The following CMIP variants were observed in gnomAD, a reference collection of about 807,000 sequenced individuals.
CMIP encodes C-Maf-inducing protein.
In CMIP, 13 loss-of-function variants were observed where a neutral mutation model predicts 97.3. That is an observed-to-expected ratio of 0.13 (90% confidence interval 0.09 to 0.21). The LOEUF (loss-of-function observed/expected upper bound fraction) is 0.21, where lower values mean the gene tolerates loss of function less well. CMIP is among the 10% of genes least tolerant of loss of function. The probability of loss-of-function intolerance (pLI) is 1.00; values close to 1 mark genes in which losing one functional copy is unlikely to be tolerated. For missense variants in CMIP, 847 were observed against 1,024.9 expected, an observed-to-expected ratio of 0.83 and a Z score of 2.37; for synonymous variants, 538 against 436.3, an observed-to-expected ratio of 1.23 and a Z score of -2.91.
intron 2 of CMIP, chr16:81,620,049 T>C (rs1353767663): frequency 6.6e-6 from 1 of 152,240 alleles, no homozygotes; most frequent in Non-Finnish European, 1.5e-5. Flanking sequence ...GATGGCTGCA[T>C]TTCTGACCAC....
At position 81,678,521 on chromosome 16, in the gene CMIP, C is replaced by T. The variant is rs1216691981; in HGVS notation, c.1281C>T (p.Asn427=). The change falls in exon 10 of 21, where the codon AAC becomes AAT. Residue 427 remains asparagine (N), a synonymous_variant. Coordinates refer to ENST00000537098, the MANE Select transcript of CMIP (RefSeq NM_198390.3). ...TASAGNDSEP[N]LIDCLMVSPA... is the part of the protein sequence containing the mutation. ...GCGCAGGCAACGACAGCGAGCCCAACCTCATCGACTGCCTCATGGTCAGCC... is the reference window on the plus strand; with the variant it reads ...GCGCAGGCAACGACAGCGAGCCCAATCTCATCGACTGCCTCATGGTCAGCC... 6.2e-7 allele frequency: 1 copy of T among 1,605,032 alleles called. No individual in the cohort carries two copies. The highest frequency in any genetic ancestry group is 8.5e-7 in the Non-Finnish European group (1 of 1,176,684).
chr16:81,618,178 T>C (rs2091945880), intron 2 of CMIP, among the ~76,000 whole-genome samples: 1 of 152,112 alleles, frequency 6.6e-6, no homozygotes, highest in Admixed American at 6.5e-5. Context: ...GTTCTGGAGG[T>C]CCGAAGTCCA....
intron 3 of CMIP, chr16:81,631,352 T>C (rs2092156084): frequency 6.6e-6 from 1 of 152,184 alleles, no homozygotes; most frequent in Non-Finnish European, 1.5e-5. Flanking sequence ...TTTTGGCCTC[T>C]TCCGTTGGAG....
chr16:81,625,363 A>C (rs1337308305), intron 3 of CMIP, among the ~76,000 whole-genome samples: 1 of 152,246 alleles, frequency 6.6e-6, no homozygotes, highest in Non-Finnish European at 1.5e-5. Flanking sequence ...GGGGTGTGGA[A>C]GCATTAAATA....
At chr16:81,595,060 C>G (rs2091531730) in intron 1 of CMIP, among the ~76,000 whole-genome samples, 1 of 151,980 alleles carries the variant, frequency 6.6e-6, no homozygotes, top group Non-Finnish European at 1.5e-5. Context: ...CTCTCTCTCT[C>G]TCAAGACAGC....
chr16:81,468,357 C>G (rs898470502), intron 1 of CMIP, among the ~76,000 whole-genome samples: 1 of 152,250 alleles, frequency 6.6e-6, no homozygotes, highest in Non-Finnish European at 1.5e-5. Context: ...AGAGAGAGGC[C>G]GGGGCTGGAA....
At chr16:81,688,644 G>A (rs984917892) in intron 10 of CMIP, among the ~76,000 whole-genome samples, 2 of 152,132 alleles carry the variant, frequency 1.3e-5, no homozygotes, top group Admixed American at 6.5e-5. Context: ...TGTTATTACC[G>A]TCATTAGCAT....
intron 3 of CMIP, among the ~76,000 whole-genome samples, chr16:81,649,264 A>T (rs2092400068): frequency 6.6e-6 from 1 of 152,256 alleles, no homozygotes; most frequent in South Asian, 2.1e-4. Context: ...GATGCCTGTG[A>T]GGCAAGGGCT....
intron 1 of CMIP, among the ~76,000 whole-genome samples, chr16:81,533,329 A>G (rs929809721): frequency 6.6e-6 from 1 of 152,200 alleles, no homozygotes; most frequent in African/African-American, 2.4e-5. Flanking sequence ...GAATGAATGA[A>G]TCATCAGTCA....
intron 1 of CMIP, among the ~76,000 whole-genome samples, chr16:81,529,797 C>A (rs1004564791): frequency 8.5e-5 from 13 of 152,270 alleles, no homozygotes; most frequent in Non-Finnish European, 1.9e-4. Context: ...CCTTGGAGAA[C>A]GGGCAAGGAT....
At chr16:81,486,068 A>G (rs1167239225) in intron 1 of CMIP, among the ~76,000 whole-genome samples, 1 of 152,242 alleles carries the variant, frequency 6.6e-6, no homozygotes, top group Non-Finnish European at 1.5e-5. Flanking sequence ...GGGGCTCCCA[A>G]AGGCCACACG....
At chr16:81,693,614 C>G in intron 13 of CMIP, 127 bp downstream of exon 13, 8 of 1,032,274 alleles carry the variant, frequency 7.7e-6, no homozygotes, top group Non-Finnish European at 1.1e-5. Flanking sequence ...GACCCATTGC[C>G]TGTGTATAAA....
chr16:81,579,309 G>A (rs73596500), intron 1 of CMIP, among the ~76,000 whole-genome samples: 5,513 of 152,222 alleles, frequency 0.036, 306 homozygotes, highest in African/African-American at 0.12. Flanking sequence ...GGTGTGGAAG[G>A]CATTCACCTT....
chr16:81,501,134 C>T (rs2089603034), intron 1 of CMIP, among the ~76,000 whole-genome samples: 1 of 152,228 alleles, frequency 6.6e-6, no homozygotes, highest in East Asian at 1.9e-4. Flanking sequence ...CCAGCGTCCT[C>T]CGTTTTCCTG....
rs146866052 is a variant in CMIP, at chr16:81,598,680, C to T, written c.301-8887C>T. Among the ~76,000 whole-genome samples the T allele has an allele frequency of 4.7e-3, 709 of 152,234 alleles. 12 individuals carry two copies. The highest frequency in any genetic ancestry group is 0.027 in the East Asian group (142 of 5,178). On this transcript the variant is annotated intron_variant, in intron 1 of 20. Coordinates refer to ENST00000537098, the MANE Select transcript of CMIP (RefSeq NM_198390.3). ...ACAGGCCACAACAGAAGAGCAGTAA[C>T]GTTCGGCTGGGCATGGTGGCTCACA...
In CMIP at chr16:81,579,350, GCT is replaced by G. The variant is rs544546406; in HGVS notation, c.301-28214_301-28213del. Among the ~76,000 whole-genome samples the G allele has an allele frequency of 2.6e-5, 4 of 152,274 alleles. No individual in the cohort carries two copies. The South Asian group carries it at 6.2e-4, about 24-fold the overall frequency. Reference sequence around the variant, plus strand: ...CTCTGACTGGTACTCTTTGGCCCTAGCTCTGCTCTCTTGAGCCACCACAAATC... The same window carrying G: ...CTCTGACTGGTACTCTTTGGCCCTAGCTGCTCTCTTGAGCCACCACAAATC... On this transcript the variant is annotated intron_variant, in intron 1 of 20. Coordinates refer to ENST00000537098, the MANE Select transcript of CMIP (RefSeq NM_198390.3).
At chr16:81,512,658 G>A (rs566246101) in intron 1 of CMIP, among the ~76,000 whole-genome samples, 175 of 151,976 alleles carry the variant, frequency 1.2e-3, no homozygotes, top group African/African-American at 3.2e-3. Flanking sequence ...ATATCAACAT[G>A]AATTCATGGA....
At chr16:81,455,207 G>T (rs1019674579) in intron 1 of CMIP, among the ~76,000 whole-genome samples, 6 of 152,204 alleles carry the variant, frequency 3.9e-5, no homozygotes, top group Non-Finnish European at 5.9e-5. Context: ...GGATCTCCGA[G>T]TCGCCAGGAC....
At chr16:81,624,361 G>A (rs2092031625) in intron 3 of CMIP, among the ~76,000 whole-genome samples, 1 of 151,878 alleles carries the variant, frequency 6.6e-6, no homozygotes, top group Non-Finnish European at 1.5e-5. Context: ...TCTTGTTTTT[G>A]TCATTTTCTC....
Sources: allele counts gnomAD v4.1 joint callset (sites outside exome capture counted in the v4.1 genomes callset), GRCh38; gene constraint gnomAD v4.1.1; transcripts MANE v1.5; gene names NCBI Gene and HGNC (gene_info 2026-07-23, HGNC 2026-07-21).